The following AUTS2 variants were observed in gnomAD, a reference collection of about 807,000 sequenced individuals.
The protein encoded by AUTS2 is activator of transcription and developmental regulator AUTS2.
A neutral mutation model predicts 112.4 loss-of-function variants in AUTS2; 17 were observed. That is an observed-to-expected ratio of 0.15 (90% CI 0.10 to 0.23). The LOEUF (loss-of-function observed/expected upper bound fraction) is 0.23, where lower values mean the gene tolerates loss of function less well. Among genes scored for constraint, AUTS2 ranks in the 10% least tolerant of loss-of-function variants. AUTS2 has a pLI of 1.00. For synonymous variants in AUTS2, 751 were observed against 702.7 expected (o/e 1.07, Z -1.09); for missense variants, 1,510 against 1,701.6 (o/e 0.89, Z 1.98).
At chr7:70,371,743 TA>T (rs1792848584) in intron 4 of AUTS2, among the ~76,000 whole-genome samples, 1 of 152,230 alleles carries the variant, frequency 6.6e-6, no homozygotes, top group South Asian at 2.1e-4. Context: ...TAAATTGATG[TA>T]ATGAGTCACT....
intron 5 of AUTS2, among the ~76,000 whole-genome samples, chr7:70,495,415 C>T (rs572259736): frequency 6.6e-6 from 1 of 152,052 alleles, no homozygotes; most frequent in Admixed American, 6.5e-5. Flanking sequence ...CTGTCCAAGG[C>T]GTTGTCTAGA....
intron 1 of AUTS2, among the ~76,000 whole-genome samples, chr7:69,633,311 C>A (rs896811113): frequency 3.3e-5 from 5 of 151,534 alleles, no homozygotes; most frequent in African/African-American, 9.7e-5. Flanking sequence ...ACACACACAC[C>A]CACCCACACA....
chr7:70,093,826 C>T (rs1400113239), intron 2 of AUTS2, among the ~76,000 whole-genome samples: 1 of 152,188 alleles, frequency 6.6e-6, no homozygotes, highest in South Asian at 2.1e-4. Context: ...GATCTAAACC[C>T]AATAACCTTT....
At chr7:70,491,550 TATATATA>T (rs1798240796) in intron 5 of AUTS2, among the ~76,000 whole-genome samples, 1 of 147,878 alleles carries the variant, frequency 6.8e-6, no homozygotes, top group Non-Finnish European at 1.5e-5. Flanking sequence ...ACATATATGT[TATATATA>T]ATATATTATG....
intron 1 of AUTS2, among the ~76,000 whole-genome samples, chr7:69,806,197 CTT>C (rs56704400): frequency 0.065 from 3,559 of 54,538 alleles, 82 homozygotes; most frequent in African/African-American, 0.11. Flanking sequence ...CCAGCCAAGG[CTT>C]TTTTTTTTTT....
At chr7:70,446,497 T>G (rs1372444682) in intron 5 of AUTS2, among the ~76,000 whole-genome samples, 1 of 152,188 alleles carries the variant, frequency 6.6e-6, no homozygotes, top group Non-Finnish European at 1.5e-5. Flanking sequence ...GGAGTGTAAT[T>G]TGTTCCTCAT....
intron 4 of AUTS2, among the ~76,000 whole-genome samples, chr7:70,376,511 A>G (rs893502850): frequency 6.6e-6 from 1 of 152,004 alleles, no homozygotes; most frequent in Admixed American, 6.6e-5. Flanking sequence ...ATGGGGGGAT[A>G]TCCTGGGTGG....
At chr7:70,239,221 A>G (rs1415304929) in intron 4 of AUTS2, among the ~76,000 whole-genome samples, 2 of 151,966 alleles carry the variant, frequency 1.3e-5, no homozygotes, top group Non-Finnish European at 2.9e-5. Context: ...TCCAGCCCCC[A>G]TGTCTTGGGG....
At chr7:70,133,314 G>T (rs1442385025) in intron 3 of AUTS2, among the ~76,000 whole-genome samples, 1 of 152,146 alleles carries the variant, frequency 6.6e-6, no homozygotes, top group East Asian at 1.9e-4. Flanking sequence ...TTTTATAGAT[G>T]TCAAATTCTC....
chr7:70,494,258 C>G (rs1390510235), intron 5 of AUTS2, among the ~76,000 whole-genome samples: 1 of 152,056 alleles, frequency 6.6e-6, no homozygotes, highest in Non-Finnish European at 1.5e-5. Flanking sequence ...CTCTACTAAT[C>G]TTTCCCTTCA....
intron 6 of AUTS2, among the ~76,000 whole-genome samples, chr7:70,745,053 T>C (rs1321467664): frequency 6.6e-6 from 1 of 152,166 alleles, no homozygotes; most frequent in Non-Finnish European, 1.5e-5. Flanking sequence ...TTTTTGCAGT[T>C]TTAAAAAATT....
chr7:69,980,820 T>A (rs1369150386), intron 2 of AUTS2, among the ~76,000 whole-genome samples: 1 of 152,138 alleles, frequency 6.6e-6, no homozygotes, highest in African/African-American at 2.4e-5. Flanking sequence ...TTTAAAAAGA[T>A]CCCCAGGAGT....
At chr7:70,371,289 A>C (rs2129630166) in intron 4 of AUTS2, among the ~76,000 whole-genome samples, 1 of 152,346 alleles carries the variant, frequency 6.6e-6, no homozygotes, top group South Asian at 2.1e-4. Context: ...TCCTCACATG[A>C]TTCTGATGCA....
chr7:69,681,181 T>A (rs908828973), intron 1 of AUTS2, among the ~76,000 whole-genome samples: 1 of 152,242 alleles, frequency 6.6e-6, no homozygotes, highest in African/African-American at 2.4e-5. Flanking sequence ...TGTTTTCACC[T>A]CTTGGCTATT....
chr7:70,406,911 C>T (rs1248881010), intron 4 of AUTS2, among the ~76,000 whole-genome samples: 2 of 152,190 alleles, frequency 1.3e-5, no homozygotes, highest in Non-Finnish European at 2.9e-5. Context: ...GCATCACCTC[C>T]AATAGAGGAA....
intron 1 of AUTS2, among the ~76,000 whole-genome samples, chr7:69,670,617 G>A (rs1424809256): frequency 1.4e-5 from 2 of 145,602 alleles, no homozygotes; most frequent in Non-Finnish European, 3.0e-5. Flanking sequence ...GGCACGTGCT[G>A]TGTAATCCCA....
intron 5 of AUTS2, among the ~76,000 whole-genome samples, chr7:70,577,024 T>A (rs11760213): frequency 0.18 from 27,030 of 152,092 alleles, 2,803 homozygotes; most frequent in African/African-American, 0.29. Context: ...CACCATATGC[T>A]CTGCAGATAG....
At chr7:70,048,671 C>T (rs939240337) in intron 2 of AUTS2, among the ~76,000 whole-genome samples, 2 of 152,120 alleles carry the variant, frequency 1.3e-5, no homozygotes, top group African/African-American at 2.4e-5. Flanking sequence ...ACCTATTATA[C>T]GTTGAAATTT....
chr7:70,720,188 T>C (rs1383395817), intron 6 of AUTS2, among the ~76,000 whole-genome samples: 3 of 138,830 alleles, frequency 2.2e-5, no homozygotes, highest in African/African-American at 8.4e-5. Flanking sequence ...GTCTTTTTGT[T>C]GTTGTTTTCT....
Sources: gnomAD v4.1 joint callset for allele counts (sites outside exome capture counted in the v4.1 genomes callset) on GRCh38, gnomAD v4.1.1 for gene constraint, MANE v1.5 for transcripts, NCBI Gene and HGNC (gene_info 2026-07-23, HGNC 2026-07-21) for gene names.